The following ZNF148 variants were observed in gnomAD, a reference collection of about 807,000 sequenced individuals.
ZNF148 encodes the protein Beta-Enolase Repressor Factor-1.
In ZNF148, 7 loss-of-function variants were observed where a neutral mutation model predicts 67.7. The observed-to-expected ratio is 0.10, with a 90% CI of 0.06 to 0.19. The LOEUF is 0.19. Among genes scored for constraint, ZNF148 ranks in the 10% least tolerant of loss-of-function variants. The pLI is 1.00. For missense variants in ZNF148, 583 were observed against 947.1 expected (o/e 0.62, Z 5.05); for synonymous variants, 333 against 330.7 (o/e 1.01, Z -0.08).
chr3:125,336,295 A>C lies in ZNF148; in HGVS notation c.-233-5057T>G, dbSNP rs1387422187. 7.2e-5 allele frequency among the ~76,000 whole-genome samples: 11 copies of C among 152,346 alleles called. No homozygotes were observed. In the East Asian group the frequency reaches 2.1e-3, roughly 29 times the overall value. On this transcript the variant is annotated intron_variant, in intron 1 of 8. Coordinates refer to ENST00000360647, the MANE Select transcript of ZNF148 (RefSeq NM_021964.3). ...GCTTACAGTCCTTTAGCATCTTTTA[A>C]CTAGAGCACATTTTACACATTATAC...
intron 7 of ZNF148, among the ~76,000 whole-genome samples, chr3:125,244,718 G>C (rs1451253486): frequency 6.6e-6 from 1 of 152,014 alleles, no homozygotes; most frequent in Non-Finnish European, 1.5e-5. Context: ...GGCTGGTCTT[G>C]AACTCCTGAC....
chr3:125,280,889 A>G (rs970476789), intron 5 of ZNF148, among the ~76,000 whole-genome samples: 3 of 152,120 alleles, frequency 2.0e-5, no homozygotes, highest in African/African-American at 7.2e-5. Flanking sequence ...GGGAGCTAAG[A>G]AACTGTCCAA....
intron 1 of ZNF148, among the ~76,000 whole-genome samples, chr3:125,340,996 A>AAG: frequency 6.7e-6 from 1 of 149,950 alleles, no homozygotes. Context: ...TCAAAAAAAA[A>AAG]AAAAAAAAAA....
chr3:125,343,786 C>T (rs34770537), intron 1 of ZNF148, among the ~76,000 whole-genome samples: 3,923 of 152,104 alleles, frequency 0.026, 104 homozygotes, highest in South Asian at 0.084. Flanking sequence ...TCTTTGGGTC[C>T]GTGCCATCTT....
intron 5 of ZNF148, among the ~76,000 whole-genome samples, chr3:125,280,758 CAAAA>C (rs1299591282): frequency 1.1e-5 from 1 of 93,504 alleles, no homozygotes; most frequent in Admixed American, 1.3e-4. Context: ...TTGACGAAAG[CAAAA>C]AAAAAAAAAA....
At chr3:125,329,115 T>C (rs1329941844) in intron 2 of ZNF148, among the ~76,000 whole-genome samples, 1 of 150,908 alleles carries the variant, frequency 6.6e-6, no homozygotes, top group Non-Finnish European at 1.5e-5. Flanking sequence ...TAACATTCTC[T>C]ATTGCCTAAG....
At chr3:125,329,603 C>T (rs1418793031) in intron 2 of ZNF148, among the ~76,000 whole-genome samples, 1 of 151,682 alleles carries the variant, frequency 6.6e-6, no homozygotes, top group African/African-American at 2.4e-5. Context: ...AGTGATCCAC[C>T]TGCCTTGGCC....
At chr3:125,307,635 A>G (rs922219058) in intron 4 of ZNF148, among the ~76,000 whole-genome samples, 11 of 151,874 alleles carry the variant, frequency 7.2e-5, no homozygotes, top group Non-Finnish European at 1.2e-4. Context: ...AAAGTAATCT[A>G]TGAAAAACCT....
At chr3:125,296,844 G>A (rs537308042) in intron 4 of ZNF148, among the ~76,000 whole-genome samples, 26 of 151,820 alleles carry the variant, frequency 1.7e-4, no homozygotes, top group African/African-American at 6.0e-4. Context: ...ATGGTTTAAG[G>A]TAAAGTAATA....
chr3:125,317,658 T>TAGAGAGAGAGAGAGAGAGAGAGAGAG (rs796905351), intron 3 of ZNF148, among the ~76,000 whole-genome samples: 6 of 27,968 alleles, frequency 2.1e-4, no homozygotes, highest in African/African-American at 3.4e-4. Flanking sequence ...TATATATATA[T>TAGAGAGAGAGAGAGAGAGAGAGAGAG]ATATAGAGAG....
chr3:125,307,900 CT>C (rs1939974889), intron 4 of ZNF148, among the ~76,000 whole-genome samples: 2 of 151,506 alleles, frequency 1.3e-5, no homozygotes, highest in South Asian at 4.2e-4. Flanking sequence ...AATCCCTTGC[CT>C]GCCTCGGCCC....
chr3:125,277,309 T>G (rs1227033364), intron 7 of ZNF148, among the ~76,000 whole-genome samples: 3 of 152,180 alleles, frequency 2.0e-5, no homozygotes, highest in Non-Finnish European at 4.4e-5. Context: ...CTCAACTTTT[T>G]AAGATTACAT....
At chr3:125,318,639 T>C (rs1313688852) in intron 3 of ZNF148, among the ~76,000 whole-genome samples, 1 of 152,186 alleles carries the variant, frequency 6.6e-6, no homozygotes, top group Non-Finnish European at 1.5e-5. Context: ...CTTAGGCAGC[T>C]GACACCACAG....
intron 1 of ZNF148, chr3:125,357,779 C>G (rs1428642692): frequency 6.6e-6 from 1 of 152,258 alleles, no homozygotes; most frequent in Non-Finnish European, 1.5e-5. Flanking sequence ...CTTAAAGAAC[C>G]AGTTATCAAT....
At chr3:125,313,883 T>C (rs1940356849) in intron 3 of ZNF148, among the ~76,000 whole-genome samples, 1 of 152,076 alleles carries the variant, frequency 6.6e-6, no homozygotes, top group Non-Finnish European at 1.5e-5. Context: ...CCTAACTACT[T>C]TATTATTGAA....
rs541007085 is a variant in ZNF148 at position 125,231,815 on chromosome 3, C to T, written c.*526G>A. On this transcript the variant is annotated 3_prime_UTR_variant, in exon 9 of 9. Coordinates refer to ENST00000360647, the MANE Select transcript of ZNF148 (RefSeq NM_021964.3). ...TGAAAATCAAGGGTATATGGCATAT[C>T]ATTCTTTTTAAAAGGTGGTTTCTTG... 1 of 152,748 alleles carries T rather than the reference C, an allele frequency of 6.5e-6. No homozygotes were observed. Among genetic ancestry groups the T allele is most frequent in the Non-Finnish European group, 1.5e-5 (1 of 68,254 alleles). The allele number at this position is 152,748 out of a possible 1,614,324, so 9.5% of individuals were successfully genotyped here. A position where few individuals can be genotyped will look rare whatever the true frequency, so the allele number is the denominator to read the frequency against.
intron 1 of ZNF148, among the ~76,000 whole-genome samples, chr3:125,353,245 C>G (rs1300035554): frequency 6.6e-6 from 1 of 151,834 alleles, no homozygotes; most frequent in African/African-American, 2.4e-5. Context: ...AAGAACAAAA[C>G]TATAGATAGT....
chr3:125,312,701 G>A (rs913194417), intron 4 of ZNF148, among the ~76,000 whole-genome samples: 2 of 152,196 alleles, frequency 1.3e-5, no homozygotes, highest in Non-Finnish European at 2.9e-5. Context: ...TGATATCATA[G>A]AAAGAAGAGA....
chr3:125,257,541 C>T (rs964668644), intron 7 of ZNF148, among the ~76,000 whole-genome samples: 5 of 128,792 alleles, frequency 3.9e-5, no homozygotes, highest in East Asian at 4.3e-4. Flanking sequence ...GGCGACAGAG[C>T]GAGACTCCGT....
Sources: gnomAD v4.1 joint callset for allele counts (sites outside exome capture counted in the v4.1 genomes callset) on GRCh38, gnomAD v4.1.1 for gene constraint, MANE v1.5 for transcripts, NCBI Gene and HGNC (gene_info 2026-07-23, HGNC 2026-07-21) for gene names.